Variants in TP53AIP1 observed in about 807,000 individuals in gnomAD.
TP53AIP1 encodes p53-regulated apoptosis-inducing protein 1.
Under a neutral mutation model 9.5 loss-of-function variants are expected in TP53AIP1, and 14 were observed. That is an observed-to-expected ratio of 1.47 (90% CI 0.97 to 2.30). The LOEUF (loss-of-function observed/expected upper bound fraction) is 2.30, where lower values mean the gene tolerates loss of function less well. Ranked by LOEUF, TP53AIP1 falls within the 30% of genes most tolerant of loss-of-function variation. The probability of loss-of-function intolerance (pLI) is 0.00; values close to 1 mark genes in which losing one functional copy is unlikely to be tolerated. For missense variants in TP53AIP1, 153 were observed against 146.7 expected (o/e 1.04, Z -0.22); for synonymous variants, 73 against 61.2 (o/e 1.19, Z -0.90).
chr11:128,937,874 T>A lies in TP53AIP1; in HGVS notation c.-56A>T, dbSNP rs1944864330. On this transcript the variant is annotated 5_prime_UTR_variant, in exon 2 of 4. Transcript: ENST00000531399. This position sits in a 1 kb window ranked among gnomAD's most constrained non-coding sequence, Gnocchi z 4.8. ...GAACTTGGCTTCTCCTCATTTGTTGTTAGGGCCAGTCCCTAAGGGACTAAA... is the reference window on the plus strand; with the variant it reads ...GAACTTGGCTTCTCCTCATTTGTTGATAGGGCCAGTCCCTAAGGGACTAAA... The A allele has an allele frequency of 1.3e-6, 2 of 1,545,974 alleles. No homozygotes were observed. The highest frequency in any genetic ancestry group is 4.0e-5 in the Admixed American group (2 of 49,456).
At position 128,937,188 on chromosome 11, in the gene TP53AIP1, G is replaced by C; in HGVS notation, c.141+490C>G. On this transcript the variant is annotated intron_variant, in intron 2 of 3. Coordinates refer to ENST00000531399, the MANE Select transcript of TP53AIP1 (RefSeq NM_022112.3). The surrounding 1 kb of genome is among the most constrained non-coding windows in gnomAD (Gnocchi z 4.8). ...TCCGAGTGCGTCATCTTCATTATTG[G>C]CCACAGGAAACGACTTCTTGGAGTA... is the stretch of plus-strand genomic sequence containing the variant. The C allele has an allele frequency of 8.7e-7, 1 of 1,152,940 alleles. No homozygotes were observed. Among genetic ancestry groups the C allele is most frequent in the Non-Finnish European group, 1.1e-6 (1 of 935,426 alleles). 71.4% of individuals were successfully genotyped at this position (1,152,940 alleles called of 1,614,324 possible). A position where few individuals can be genotyped will look rare whatever the true frequency, so the allele number is the denominator to read the frequency against.
Position 128,939,880 on chromosome 11 carries a change from T to G in TP53AIP1, c.-76-1986A>C, listed in dbSNP as rs2136025417. On this transcript the variant is annotated intron_variant, in intron 1 of 3. Transcript: ENST00000531399. This position sits in a 1 kb window ranked among gnomAD's most constrained non-coding sequence, Gnocchi z 4.1. Reference sequence around the variant, plus strand: ...CTTTGTTTTCCTTCTATTTCCTGTTTGAAAAGTGAAGCGTTAACACGAAGG... The same window carrying G: ...CTTTGTTTTCCTTCTATTTCCTGTTGGAAAAGTGAAGCGTTAACACGAAGG... 6.6e-6 allele frequency among the ~76,000 whole-genome samples: 1 copy of G among 152,322 alleles called. No homozygotes were observed. Among genetic ancestry groups the G allele is most frequent in the Admixed American group, 6.5e-5 (1 of 15,308 alleles).
downstream of TP53AIP1, chr11:128,935,095 G>A (rs1260946057): frequency 1.4e-6 from 1 of 707,054 alleles, no homozygotes; most frequent in Admixed American, 2.0e-5. Context: ...CTTGTGGTAG[G>A]AACGTGTCAG....
rs1944795256 is a variant in TP53AIP1 at position 128,935,481 on chromosome 11, C to T, written c.*110G>A. On this transcript the variant is annotated 3_prime_UTR_variant, in exon 4 of 4. Coordinates refer to ENST00000531399, the MANE Select transcript of TP53AIP1 (RefSeq NM_022112.3). The stretch of plus-strand genomic sequence containing the variant: ...GGGGGGAAATGAGGTGGCCGCTAGT[C>T]AGCGCTGGAGCCATTTCTCGACGGT... 1.4e-6 allele frequency: 2 copies of T among 1,453,802 alleles called. No individual in the cohort carries two copies. The highest frequency in any genetic ancestry group is 1.8e-6 in the Non-Finnish European group (2 of 1,108,618). The allele number at this position is 1,453,802 out of a possible 1,614,324, so 90.1% of individuals were successfully genotyped here.
downstream of TP53AIP1, chr11:128,935,143 C>T (rs1012321571): frequency 8.7e-5 from 68 of 779,574 alleles, no homozygotes; most frequent in East Asian, 1.9e-4. Flanking sequence ...GGACACCCAG[C>T]GGGGGCCCGG....
At chr11:128,934,888 T>C (rs1944779410), downstream of TP53AIP1, 3 of 666,922 alleles carry the variant, frequency 4.5e-6, no homozygotes, top group Non-Finnish European at 8.2e-6. Flanking sequence ...GGAAGTGTCA[T>C]GTAGACTATG....
At chr11:128,938,699 G>A (rs917246876) in intron 1 of TP53AIP1, among the ~76,000 whole-genome samples, 3 of 152,150 alleles carry the variant, frequency 2.0e-5, no homozygotes, top group African/African-American at 7.2e-5. Flanking sequence ...GGCGGCGGGA[G>A]CTCTGGAATG....
In TP53AIP1 at chr11:128,937,679, C is replaced by G; in HGVS notation, c.140G>C (p.Trp47Ser). ...NGRAQTHTPGWVSDPLVLGAQ... is the reference protein window; with the variant it reads ...NGRAQTHTPGSVSDPLVLGAQ... ...TCGGTTTTCACTGCAGGGACTTACCCAGCCAGGTGTGTGTGTCTGAGCCCT... is the reference window on the plus strand; with the variant it reads ...TCGGTTTTCACTGCAGGGACTTACCGAGCCAGGTGTGTGTGTCTGAGCCCT... The change falls in exon 2 of 4, where the codon TGG (tryptophan) becomes TCG (serine). Residue 47 changes from tryptophan to serine, a missense_variant and splice_region_variant. Physicochemically the swap from Trp to Ser is radical, Grantham distance 177 (BLOSUM62 -3). Transcript: ENST00000531399. This position sits in a 1 kb window ranked among gnomAD's most constrained non-coding sequence, Gnocchi z 4.8. The G allele has an allele frequency of 6.2e-7, 1 of 1,614,202 alleles. No individual in the cohort carries two copies. Among genetic ancestry groups the G allele is most frequent in the Non-Finnish European group, 8.5e-7 (1 of 1,180,038 alleles).
chr11:128,935,025 C>T, downstream of TP53AIP1: 1 of 703,136 alleles, frequency 1.4e-6, no homozygotes, highest in Non-Finnish European at 2.6e-6. Context: ...TGCACACAGG[C>T]CAGGCAAGCT....
rs745356109 is a variant in TP53AIP1, at chr11:128,935,388, T to C, written c.*203A>G. ...ACAAGAATTTTTTTCCAGCTTTTAT[T>C]TCAGATTTGGGGATACAGAAGGATG... On this transcript the variant is annotated 3_prime_UTR_variant, in exon 4 of 4. Transcript: ENST00000531399. 1.3e-5 allele frequency: 19 copies of C among 1,415,096 alleles called. No individual in the cohort carries two copies. The highest frequency in any genetic ancestry group is 6.0e-5 in the Admixed American group (2 of 33,224). 87.7% of individuals were successfully genotyped at this position (1,415,096 alleles called of 1,614,324 possible). A position where few individuals can be genotyped will look rare whatever the true frequency, so the allele number is the denominator to read the frequency against.
At chr11:128,936,280 G>C in intron 3 of TP53AIP1, 1 of 1,219,014 alleles carries the variant, frequency 8.2e-7, no homozygotes, top group Non-Finnish European at 1.0e-6. Context: ...AGAAAGTTCA[G>C]TGGGTGTCAA....
At chr11:128,940,758 T>C (rs1944924427) in intron 1 of TP53AIP1, among the ~76,000 whole-genome samples, 1 of 152,094 alleles carries the variant, frequency 6.6e-6, no homozygotes, top group South Asian at 2.1e-4. Context: ...ACCCACACAC[T>C]CAAGGCATGC....
chr11:128,936,643 C>A lies in TP53AIP1; in HGVS notation c.148G>T (p.Asp50Tyr). 1 of 1,581,434 alleles carries A rather than the reference C, an allele frequency of 6.3e-7. No individual in the cohort carries two copies. The highest frequency in any genetic ancestry group is 8.5e-7 in the Non-Finnish European group (1 of 1,171,778). The change falls in exon 3 of 4, where the codon GAT becomes TAT. Residue 50 changes from aspartate (D) to tyrosine (Y), a missense_variant. Transcript: ENST00000531399. The part of the protein sequence containing the change: ...AQTHTPGWVS[D>Y]PLVLGAQVHG... ...ACTTGGGCACCCAAAACTAAGGGAT[C>A]TGAAACCTGAGAGGAAATGGAAGCA...
intron 1 of TP53AIP1, among the ~76,000 whole-genome samples, chr11:128,938,978 C>A (rs538019999): frequency 6.6e-5 from 10 of 152,170 alleles, no homozygotes. Flanking sequence ...CTAGTCAATT[C>A]GGACCAGTTT....
At chr11:128,935,069 G>C, downstream of TP53AIP1, 1 of 704,282 alleles carries the variant, frequency 1.4e-6, no homozygotes. Flanking sequence ...ACAAAACCAA[G>C]CTATCAATGC....
Position 128,939,672 on chromosome 11 carries a change from C to T in TP53AIP1, c.-76-1778G>A, listed in dbSNP as rs368247749. On this transcript the variant is annotated intron_variant, in intron 1 of 3. Transcript: ENST00000531399. This position sits in a 1 kb window ranked among gnomAD's most constrained non-coding sequence, Gnocchi z 4.1. ...AAACTGTCGGATTCTCTAAGAGGTC[C>T]GTCACAACCCATCTTAATGCAAGAG... Among the ~76,000 whole-genome samples the T allele has an allele frequency of 7.9e-5, 12 of 152,188 alleles. No homozygotes were observed. The highest frequency in any genetic ancestry group is 4.1e-4 in the South Asian group (2 of 4,830).
In TP53AIP1 at chr11:128,936,590, A is replaced by G; in HGVS notation, c.201T>C (p.Ala67=). 1 of 1,588,676 alleles carries G rather than the reference A, an allele frequency of 6.3e-7. No individual in the cohort carries two copies. The highest frequency in any genetic ancestry group is 8.5e-7 in the Non-Finnish European group (1 of 1,175,452). The change falls in exon 3 of 4, where the codon GCT becomes GCC. Residue 67 remains alanine, a synonymous_variant. Coordinates refer to ENST00000531399, the MANE Select transcript of TP53AIP1 (RefSeq NM_022112.3). Reference sequence around the variant, plus strand: ...ACCAAGATCCAGACGAGACTGACAGAGCTTCTATTCCCCGGCACCCTCCGT... The same window carrying G: ...ACCAAGATCCAGACGAGACTGACAGGGCTTCTATTCCCCGGCACCCTCCGT... ...QVHGGCRGIE[A]LSVSSGSWSS...
chr11:128,940,093 C>G (rs768880662), intron 1 of TP53AIP1, among the ~76,000 whole-genome samples: 2 of 152,202 alleles, frequency 1.3e-5, no homozygotes, highest in Non-Finnish European at 2.9e-5. Context: ...CCCTCAAACA[C>G]CTGGATGCCA....
downstream of TP53AIP1, chr11:128,935,146 G>A: frequency 2.5e-6 from 2 of 794,660 alleles, no homozygotes; most frequent in Non-Finnish European, 2.1e-6. Context: ...CACCCAGCGG[G>A]GGCCCGGGGC....
Sources: gnomAD v4.1 joint callset for allele counts (sites outside exome capture counted in the v4.1 genomes callset) on GRCh38, gnomAD v4.1.1 for gene constraint, Gnocchi (gnomAD v3.1) non-coding constraint, MANE v1.5 for transcripts, NCBI Gene and HGNC (gene_info 2026-07-23, HGNC 2026-07-21) for gene names.